The following PATJ variants were observed in gnomAD, a reference collection of about 807,000 sequenced individuals.
The protein encoded by PATJ is inaD-like protein.
A neutral mutation model predicts 224.9 loss-of-function variants in PATJ; 190 were observed. The observed-to-expected ratio is 0.84, with a 90% confidence interval of 0.75 to 0.95. PATJ has a LOEUF of 0.95. PATJ is among the 40% of genes least tolerant of loss of function. PATJ has a pLI of 0.00. For synonymous variants in PATJ, 769 were observed against 820.3 expected, an observed-to-expected ratio of 0.94 and a Z score of 1.07; for missense variants, 2,121 against 2,270.3, an observed-to-expected ratio of 0.93 and a Z score of 1.34.
intron 21 of PATJ, among the ~76,000 whole-genome samples, chr1:61,882,011 T>A (rs1241534866): frequency 6.6e-6 from 1 of 152,230 alleles, no homozygotes; most frequent in African/African-American, 2.4e-5. Flanking sequence ...GTTGGTGTAT[T>A]AAGCAAGTAC....
At chr1:61,972,944 C>G (rs1683181460) in intron 27 of PATJ, among the ~76,000 whole-genome samples, 1 of 151,796 alleles carries the variant, frequency 6.6e-6, no homozygotes, top group African/African-American at 2.4e-5. Context: ...TCAAAATACC[C>G]CAAAGACAGT....
At chr1:61,953,497 A>G (rs917135301) in intron 27 of PATJ, among the ~76,000 whole-genome samples, 2 of 152,214 alleles carry the variant, frequency 1.3e-5, no homozygotes, top group Non-Finnish European at 2.9e-5. Context: ...TGAACTACCT[A>G]GTATTCAATT....
intron 32 of PATJ, among the ~76,000 whole-genome samples, chr1:62,080,342 T>C (rs1036843237): frequency 1.3e-5 from 2 of 151,868 alleles, no homozygotes; most frequent in Non-Finnish European, 2.9e-5. Flanking sequence ...TTTTTTTTCT[T>C]TTTTTTTGAG....
intron 11 of PATJ, 58 bp downstream of exon 11, chr1:61,797,486 A>T (rs552967737): frequency 2.0e-6 from 3 of 1,464,340 alleles, no homozygotes; most frequent in South Asian, 2.4e-5. Context: ...AGAGCAGTTC[A>T]ATTATGGAAG....
intron 28 of PATJ, 118 bp from the exon 29 acceptor site, chr1:62,017,738 A>G (rs1646860629): frequency 1.4e-5 from 8 of 567,356 alleles, no homozygotes; most frequent in Non-Finnish European, 2.4e-5. Flanking sequence ...TCAAAAAAAA[A>G]AAAAAAAAAG....
chr1:61,833,777 G>T lies in PATJ; in HGVS notation c.2104G>T (p.Asp702Tyr). 6.2e-7 allele frequency: 1 copy of T among 1,613,022 alleles called. No homozygotes were observed. The highest frequency in any genetic ancestry group is 8.5e-7 in the Non-Finnish European group (1 of 1,179,428). The change falls in exon 17 of 44, where the codon GAT becomes TAT. Residue 702 changes from aspartate (D) to tyrosine (Y), a missense_variant. Coordinates refer to ENST00000642238, the MANE Select transcript of PATJ (RefSeq NM_001350145.3). ...TAAAGGTTTGGGATTCAGCATTTTG[G>T]ATTACCAGGTATAAGAACCTGTGTA... Reference protein sequence around the residue: ...DCKGLGFSILDYQDPLDPTRS... With the variant: ...DCKGLGFSILYYQDPLDPTRS...
In PATJ at chr1:61,864,618, T is replaced by C; in HGVS notation, c.2820T>C (p.Tyr940=). ...VYSQEAQPYG[Y]CPENVMKENF... is the part of the protein sequence containing the mutation. ...CCCAGGAGGCACAGCCGTATGGCTA[T>C]TGCCCTGAAAATGTGGTAAGAGATT... The change falls in exon 20 of 44, where the codon TAT becomes TAC. Residue 940 remains tyrosine, a synonymous_variant. Coordinates refer to ENST00000642238, the MANE Select transcript of PATJ (RefSeq NM_001350145.3). 25 of 1,592,594 alleles carry C rather than the reference T, an allele frequency of 1.6e-5. No individual in the cohort carries two copies. The highest frequency in any genetic ancestry group is 2.1e-5 in the Non-Finnish European group (25 of 1,169,542).
At chr1:61,798,107 G>A (rs1369398710) in intron 11 of PATJ, among the ~76,000 whole-genome samples, 4 of 152,112 alleles carry the variant, frequency 2.6e-5, no homozygotes, top group African/African-American at 7.2e-5. Flanking sequence ...CGCCCAGCCA[G>A]GTTTCCTATT....
chr1:62,089,908 G>T (rs1451979265), intron 33 of PATJ, among the ~76,000 whole-genome samples: 1 of 152,200 alleles, frequency 6.6e-6, no homozygotes, highest in East Asian at 1.9e-4. Flanking sequence ...GAAAGAGTAT[G>T]TCCTGACTTC....
At chr1:61,966,773 T>A (rs1008788120) in intron 27 of PATJ, among the ~76,000 whole-genome samples, 1 of 152,012 alleles carries the variant, frequency 6.6e-6, no homozygotes, top group Non-Finnish European at 1.5e-5. Flanking sequence ...CCCATTTTTA[T>A]GGTTATTTCT....
At chr1:62,073,318 C>A (rs1657756271) in intron 31 of PATJ, 18 of 985,176 alleles carry the variant, frequency 1.8e-5, no homozygotes, top group Non-Finnish European at 2.2e-5. Flanking sequence ...ACCCCCTAAA[C>A]AGATGCTTAA....
intron 30 of PATJ, among the ~76,000 whole-genome samples, chr1:62,045,683 A>G (rs1570301921): frequency 1.3e-5 from 2 of 152,162 alleles, no homozygotes; most frequent in South Asian, 4.1e-4. Context: ...CGACAGGAAC[A>G]CCCAGCCATC....
chr1:61,840,848 C>G (rs1384619345), intron 17 of PATJ, among the ~76,000 whole-genome samples: 1 of 152,014 alleles, frequency 6.6e-6, no homozygotes, highest in Non-Finnish European at 1.5e-5. Context: ...TACCAAATAG[C>G]TTGCATTTAA....
rs139681220 is a variant in PATJ at position 62,128,164 on chromosome 1, C to T, written c.5166+70C>T. The stretch of plus-strand genomic sequence containing the variant: ...TGGGAGAGGAAGTTGCAGCCCTGGG[C>T]ACCTTGTTTAAAGTTGGAATTCCAG... On this transcript the variant is annotated intron_variant, in intron 40 of 43. Transcript: ENST00000642238. 2,151 of 1,584,830 alleles carry T rather than the reference C, an allele frequency of 1.4e-3. 27 individuals are homozygous for T. In the African/African-American group the frequency reaches 0.025, roughly 18 times the overall value.
rs573382733 is a variant in PATJ, at chr1:61,929,710, A to G, written c.3670+1881A>G. 4.6e-5 allele frequency among the ~76,000 whole-genome samples: 7 copies of G among 152,244 alleles called. No individual in the cohort carries two copies. In the South Asian group the frequency reaches 1.5e-3, roughly 32 times the overall value. ...ATCATCGATACTTGCTGTTACTTAAAACTCATTATGATTGCAGAAATAGGT... is the reference window on the plus strand; with the variant it reads ...ATCATCGATACTTGCTGTTACTTAAGACTCATTATGATTGCAGAAATAGGT... On this transcript the variant is annotated intron_variant, in intron 27 of 43. Coordinates refer to ENST00000642238, the MANE Select transcript of PATJ (RefSeq NM_001350145.3).
At chr1:61,833,592 T>A (rs745353208) in intron 16 of PATJ, 62 bp from the exon 17 acceptor site, 1 of 1,484,648 alleles carries the variant, frequency 6.7e-7, no homozygotes, top group Non-Finnish European at 9.1e-7. Context: ...TCTTGATGTG[T>A]GCATTCTTTT....
chr1:61,814,284 C>T (rs753013585), intron 14 of PATJ, among the ~76,000 whole-genome samples: 36 of 151,998 alleles, frequency 2.4e-4, no homozygotes, highest in Non-Finnish European at 4.4e-4. Context: ...GCTGGGATTA[C>T]AGGCACCTGC....
intron 20 of PATJ, among the ~76,000 whole-genome samples, chr1:61,869,097 A>ATTTTTTTTTTTTTTTTTTTT (rs113334846): frequency 1.6e-5 from 2 of 125,512 alleles, no homozygotes; most frequent in Non-Finnish European, 3.3e-5. Flanking sequence ...TGGAAATAAC[A>ATTTTTTTTTTTTTTTTTTTT]TTTTTTTTTT....
Position 62,079,488 on chromosome 1 carries a change from A to T in PATJ, c.4164A>T (p.Lys1388Asn). 1 of 1,613,978 alleles carries T rather than the reference A, an allele frequency of 6.2e-7. No individual in the cohort carries two copies. The highest frequency in any genetic ancestry group is 8.5e-7 in the Non-Finnish European group (1 of 1,179,850). ...SQMKQQKYPT[K>N]VSFSSQEIPL... Reference sequence around the variant, plus strand: ...TGAAACAGCAAAAATATCCAACAAAAGTCTCCTTCAGTTCACAAGAGATAC... The same window carrying T: ...TGAAACAGCAAAAATATCCAACAAATGTCTCCTTCAGTTCACAAGAGATAC... The change falls in exon 32 of 44, where the codon AAA (lysine) becomes AAT (asparagine). Residue 1388 changes from lysine (K) to asparagine (N), a missense_variant. Lys to Asn is a moderately conservative substitution (Grantham distance 94). Transcript: ENST00000642238.
Sources: gnomAD v4.1 joint callset for allele counts (sites outside exome capture counted in the v4.1 genomes callset) on GRCh38, gnomAD v4.1.1 for gene constraint, MANE v1.5 for transcripts, NCBI Gene and HGNC (gene_info 2026-07-23, HGNC 2026-07-21) for gene names.